Variants in EFCAB8 observed in about 807,000 individuals in gnomAD.
EFCAB8 encodes the protein EF-hand calcium-binding domain-containing protein 8.
EFCAB8 carries 100 observed loss-of-function variants against 116.3 expected under a neutral mutation model. The observed-to-expected ratio is 0.86, with a 90% confidence interval of 0.73 to 1.02. The LOEUF is 1.02. Ranked by LOEUF, EFCAB8 falls within the 50% of genes least tolerant of loss-of-function variation. The pLI, the probability that EFCAB8 is intolerant of heterozygous loss-of-function variation, is 0.00. For missense variants in EFCAB8, 1,320 were observed against 1,416.9 expected (o/e 0.93, Z 1.10); for synonymous variants, 558 against 567.9 (o/e 0.98, Z 0.25).
intron 21 of EFCAB8, 63 bp from the exon 22 acceptor site, chr20:32,931,115 C>T (rs1987891124): frequency 7.2e-6 from 10 of 1,386,254 alleles, no homozygotes; most frequent in South Asian, 2.9e-5. Context: ...GGGAGGAGCC[C>T]GCAGAGTGAG....
Position 32,892,271 on chromosome 20 carries a change from C to G in EFCAB8, c.732C>G (p.Asp244Glu), listed in dbSNP as rs1458083334. ...CVRAFTFVDL[D>E]SCALVMDYWS... ...GGGCCTTCACCTTTGTTGATCTGGA[C>G]AGCTGTGCTCTGGTCATGGACTACT... The change falls in exon 8 of 27, where the codon GAC (aspartate) becomes GAG (glutamate). Residue 244 changes from aspartate to glutamate, a missense_variant. Asp to Glu is a conservative substitution (Grantham distance 45). Transcript: ENST00000400522. 6.4e-7 allele frequency: 1 copy of G among 1,551,670 alleles called. No individual in the cohort carries two copies. The highest frequency in any genetic ancestry group is 8.7e-7 in the Non-Finnish European group (1 of 1,147,002).
chr20:32,904,713 A>C (rs6120032), intron 11 of EFCAB8, among the ~76,000 whole-genome samples: 1 of 150,416 alleles, frequency 6.6e-6, no homozygotes, highest in Non-Finnish European at 1.5e-5. Context: ...TGCAACCTCC[A>C]CCTCCCAGGT....
intron 3 of EFCAB8, among the ~76,000 whole-genome samples, chr20:32,872,187 A>G (rs1218018600): frequency 6.6e-6 from 1 of 152,166 alleles, no homozygotes; most frequent in African/African-American, 2.4e-5. Flanking sequence ...TGGGGTTAAG[A>G]GCATGAGTTC....
chr20:32,896,008 T>G (rs2146217294), intron 9 of EFCAB8, among the ~76,000 whole-genome samples: 1 of 152,340 alleles, frequency 6.6e-6, no homozygotes, highest in East Asian at 1.9e-4. Flanking sequence ...TTCTACTTTT[T>G]GGAACCTGTG....
chr20:32,935,124 T>C (rs921541454), intron 22 of EFCAB8, among the ~76,000 whole-genome samples: 3 of 151,816 alleles, frequency 2.0e-5, no homozygotes, highest in Admixed American at 6.6e-5. Flanking sequence ...ATGTCTTCTT[T>C]TGAGAAATGT....
intron 5 of EFCAB8, among the ~76,000 whole-genome samples, chr20:32,882,146 C>T (rs1985371697): frequency 6.6e-6 from 1 of 151,850 alleles, no homozygotes; most frequent in African/African-American, 2.4e-5. Flanking sequence ...TGCAGTGAGC[C>T]GAGATTGCGC....
At chr20:32,934,748 C>T (rs914074211) in intron 22 of EFCAB8, among the ~76,000 whole-genome samples, 1 of 152,180 alleles carries the variant, frequency 6.6e-6, no homozygotes, top group African/African-American at 2.4e-5. Context: ...TGCTCATGCT[C>T]TCTTGCCTGC....
rs192200815 is a variant in EFCAB8, at chr20:32,940,560, A to G, written c.2791-3076A>G. 1.3e-5 allele frequency among the ~76,000 whole-genome samples: 2 copies of G among 150,084 alleles called. 1 individual carries two copies. Among genetic ancestry groups the G allele is most frequent in the African/African-American group, 4.9e-5 (2 of 40,528 alleles). ...GACACCAAAAACAAGCTACAAAAGA[A>G]AAAAACAGATAAATTGGACTTTGTC... On this transcript the variant is annotated intron_variant, in intron 22 of 26. Transcript: ENST00000400522.
Position 32,958,459 on chromosome 20 carries a change from G to A in EFCAB8, c.2998G>A (p.Ala1000Thr). Reference sequence around the variant, plus strand: ...GAGTGTGTGGAAAAGACTACAGGATGCCTGTGATGGTCCTCGTGAAAACAG... The same window carrying A: ...GAGTGTGTGGAAAAGACTACAGGATACCTGTGATGGTCCTCGTGAAAACAG... ...GLSVWKRLQD[A>T]CDGPRENRAS... Residue 1000 changes from alanine to threonine, a missense_variant, in exon 24 of 27, where the codon GCC (alanine) becomes ACC (threonine). Physicochemically the swap from Ala to Thr is moderately conservative, Grantham distance 58. Transcript: ENST00000400522. 2.4e-6 allele frequency: 1 copy of A among 416,918 alleles called. No homozygotes were observed. Among genetic ancestry groups the A allele is most frequent in the East Asian group, 3.6e-5 (1 of 28,074 alleles). 25.8% of individuals were successfully genotyped at this position (416,918 alleles called of 1,614,324 possible). A position where few individuals can be genotyped will look rare whatever the true frequency, so the allele number is the denominator to read the frequency against.
In EFCAB8 at chr20:32,961,470, T is replaced by C; in HGVS notation, c.3728T>C (p.Val1243Ala). ...SASTAHSTPS[V>A]PSPVSKSTLQ... ...TCCACAGCCCATTCCACCCCCTCGG[T>C]CCCATCCCCGGTGTCCAAGTCCACC... The change falls in exon 27 of 27, where the codon GTC becomes GCC. Residue 1243 changes from valine (V) to alanine (A), a missense_variant. Physicochemically the swap from Val to Ala is moderately conservative, Grantham distance 64. Transcript: ENST00000400522. 4.1e-6 allele frequency: 6 copies of C among 1,450,554 alleles called. No individual in the cohort carries two copies. The highest frequency in any genetic ancestry group is 5.5e-6 in the Non-Finnish European group (6 of 1,098,374). The allele number at this position is 1,450,554 out of a possible 1,614,324, so 89.9% of individuals were successfully genotyped here.
chr20:32,951,997 C>T (rs901383272), intron 23 of EFCAB8, among the ~76,000 whole-genome samples: 1 of 152,138 alleles, frequency 6.6e-6, no homozygotes, highest in Non-Finnish European at 1.5e-5. Flanking sequence ...TGGTGGCTCA[C>T]GCCTGTAATA....
chr20:32,869,951 A>G (rs1984606007), intron 3 of EFCAB8, among the ~76,000 whole-genome samples: 1 of 152,208 alleles, frequency 6.6e-6, no homozygotes, highest in Non-Finnish European at 1.5e-5. Context: ...TTTGTGCCTC[A>G]AGCCTTTTCT....
At chr20:32,929,658 TG>T (rs1332764856) in intron 20 of EFCAB8, among the ~76,000 whole-genome samples, 2 of 152,050 alleles carry the variant, frequency 1.3e-5, no homozygotes, top group Non-Finnish European at 2.9e-5. Flanking sequence ...TCGAGATTTT[TG>T]TTGTTGGTGA....
At chr20:32,876,868 T>C (rs1347535293) in intron 4 of EFCAB8, among the ~76,000 whole-genome samples, 1 of 152,138 alleles carries the variant, frequency 6.6e-6, no homozygotes, top group Non-Finnish European at 1.5e-5. Flanking sequence ...TTTGTGGAGC[T>C]GAGCTGGGAG....
intron 26 of EFCAB8, 51 bp from the exon 27 acceptor site, chr20:32,961,085 C>T: frequency 6.8e-7 from 1 of 1,480,296 alleles, no homozygotes. Flanking sequence ...TCCTGGGTGT[C>T]CCCGGCTCCA....
At position 32,958,105 on chromosome 20, in the gene EFCAB8, A is replaced by C. The variant is rs532393414; in HGVS notation, c.2960-316A>C. ...CCGTTTTATGCCATTGCCATTTTAC[A>C]CACAAGCTACCTGAAGCCCAACTGA... On this transcript the variant is annotated intron_variant, in intron 23 of 26. Coordinates refer to ENST00000400522, the MANE Select transcript of EFCAB8 (RefSeq NM_001143967.2). Among the ~76,000 whole-genome samples the C allele has an allele frequency of 3.5e-4, 54 of 152,182 alleles. No homozygotes were observed. The South Asian group carries it at 7.1e-3, about 20-fold the overall frequency.
At chr20:32,890,966 C>T (rs957641264) in intron 7 of EFCAB8, among the ~76,000 whole-genome samples, 31 of 152,340 alleles carry the variant, frequency 2.0e-4, no homozygotes, top group African/African-American at 7.2e-4. Context: ...AGAAAGTGGT[C>T]AGCCGTCAGC....
At chr20:32,890,476 TCTC>T (rs913992456) in intron 7 of EFCAB8, among the ~76,000 whole-genome samples, 3 of 136,090 alleles carry the variant, frequency 2.2e-5, no homozygotes, top group Non-Finnish European at 3.2e-5. Context: ...TTAGCACATG[TCTC>T]CTCCTCCAGA....
At chr20:32,892,777 A>C (rs568594934) in intron 8 of EFCAB8, among the ~76,000 whole-genome samples, 2 of 151,694 alleles carry the variant, frequency 1.3e-5, no homozygotes, top group East Asian at 3.9e-4. Flanking sequence ...CCTTGCTTCC[A>C]AGGAGGAGGG....
Sources: gnomAD v4.1 joint callset for allele counts (sites outside exome capture counted in the v4.1 genomes callset) on GRCh38, gnomAD v4.1.1 for gene constraint, MANE v1.5 for transcripts, NCBI Gene and HGNC (gene_info 2026-07-23, HGNC 2026-07-21) for gene names.